ERC2: variants seen among roughly 807,000 people sequenced by gnomAD.
The protein encoded by ERC2 is ELKS/RAB6-interacting/CAST family member 2.
In ERC2, 42 loss-of-function variants were observed where a neutral mutation model predicts 114.8. The observed-to-expected ratio is 0.37, with a 90% confidence interval of 0.29 to 0.47. ERC2 has a LOEUF of 0.47. Among genes scored for constraint, ERC2 ranks in the 20% least tolerant of loss-of-function variants. The pLI is 0.99. For missense variants in ERC2, 939 were observed against 1,150.7 expected (o/e 0.82, Z 2.66); for synonymous variants, 454 against 425.5 (o/e 1.07, Z -0.82).
intron 17 of ERC2, among the ~76,000 whole-genome samples, chr3:55,634,830 C>T (rs1352389083): frequency 6.6e-6 from 1 of 152,028 alleles, no homozygotes; most frequent in Non-Finnish European, 1.5e-5. Flanking sequence ...GAGGGCAACT[C>T]TTCCCTTTCC....
At chr3:56,252,175 A>G (rs1361896089) in intron 3 of ERC2, among the ~76,000 whole-genome samples, 2 of 152,318 alleles carry the variant, frequency 1.3e-5, no homozygotes, top group Middle Eastern at 3.4e-3. Flanking sequence ...TGGACATCCT[A>G]TAACAGTTAA....
At chr3:55,733,542 T>TCACACA (rs58311179) in intron 15 of ERC2, among the ~76,000 whole-genome samples, 3,628 of 107,538 alleles carry the variant, frequency 0.034, 357 homozygotes, top group East Asian at 0.066. Flanking sequence ...TCTCTCTCTC[T>TCACACA]CACACACACA....
intron 12 of ERC2, among the ~76,000 whole-genome samples, chr3:55,962,026 T>C (rs542655117): frequency 6.6e-6 from 1 of 152,188 alleles, no homozygotes; most frequent in Admixed American, 6.5e-5. Context: ...TAGGTGATGA[T>C]GAATACTAGT....
intron 6 of ERC2, among the ~76,000 whole-genome samples, chr3:56,102,683 T>C (rs1043471993): frequency 6.6e-6 from 1 of 152,220 alleles, no homozygotes; most frequent in Non-Finnish European, 1.5e-5. Context: ...AATATTATGC[T>C]CTTCTAAACT....
At chr3:56,212,205 A>C (rs1446384356) in intron 3 of ERC2, among the ~76,000 whole-genome samples, 1 of 152,198 alleles carries the variant, frequency 6.6e-6, no homozygotes, top group African/African-American at 2.4e-5. Flanking sequence ...AAATCTATAC[A>C]TCTGACAAAG....
rs74991807 is a variant in ERC2 at position 55,839,545 on chromosome 3, C to T, written c.2564+48844G>A. 6.9e-3 allele frequency among the ~76,000 whole-genome samples: 1,046 copies of T among 151,468 alleles called. 9 individuals are homozygous for T. The highest frequency in any genetic ancestry group is 0.024 in the African/African-American group (1,002 of 41,386). ...AAAATACAATATATTACAGCAAAAG[C>T]ACAAAAGACAGAAAGAAAAAAATGG... On this transcript the variant is annotated intron_variant, in intron 14 of 17. Coordinates refer to ENST00000288221, the MANE Select transcript of ERC2 (RefSeq NM_015576.3).
chr3:56,040,781 GATATATAT>G, intron 7 of ERC2, among the ~76,000 whole-genome samples: 1 of 45,160 alleles, frequency 2.2e-5, no homozygotes, highest in Non-Finnish European at 5.5e-5. Flanking sequence ...TATATATAGA[GATATATAT>G]AGATATATAT....
In ERC2 at chr3:55,509,750, T is replaced by TA. The variant is rs1315978959; in HGVS notation, c.*1565dup. On this transcript the variant is annotated 3_prime_UTR_variant, in exon 18 of 18. Coordinates refer to ENST00000288221, the MANE Select transcript of ERC2 (RefSeq NM_015576.3). ...TCCAGAGTTAATTGCACCAACATTTTAAAAAGTAATAATAATGACTAAATT... is the reference window on the plus strand; with the variant it reads ...TCCAGAGTTAATTGCACCAACATTTTAAAAAAGTAATAATAATGACTAAATT... 1.3e-5 allele frequency: 2 copies of TA among 152,604 alleles called. No homozygotes were observed. The highest frequency in any genetic ancestry group is 4.8e-5 in the African/African-American group (2 of 41,448). The allele number at this position is 152,604 out of a possible 1,614,324, so 9.5% of individuals were successfully genotyped here.
chr3:55,515,286 C>T (rs1352449578), intron 17 of ERC2, among the ~76,000 whole-genome samples: 1 of 151,766 alleles, frequency 6.6e-6, no homozygotes, highest in South Asian at 2.1e-4. Context: ...CATAAACAAA[C>T]ATTTGCAAGT....
intron 3 of ERC2, among the ~76,000 whole-genome samples, chr3:56,259,428 T>C (rs1172433314): frequency 6.6e-6 from 1 of 152,098 alleles, no homozygotes; most frequent in Non-Finnish European, 1.5e-5. Context: ...CATATAAAAT[T>C]AGGTTGTGTC....
intron 2 of ERC2, among the ~76,000 whole-genome samples, chr3:56,394,611 A>C (rs1219813864): frequency 1.3e-5 from 2 of 152,216 alleles, no homozygotes; most frequent in African/African-American, 4.8e-5. Flanking sequence ...ACCACATAAA[A>C]AGATGTTCAA....
chr3:55,641,818 T>G (rs942113478), intron 17 of ERC2, among the ~76,000 whole-genome samples: 27 of 152,200 alleles, frequency 1.8e-4, no homozygotes, highest in African/African-American at 5.8e-4. Flanking sequence ...GTAAACTGCA[T>G]ACTCAACCAT....
chr3:56,321,743 T>C (rs1278314104), intron 2 of ERC2, among the ~76,000 whole-genome samples: 1 of 152,234 alleles, frequency 6.6e-6, no homozygotes, highest in Non-Finnish European at 1.5e-5. Context: ...TTTTTCCTGT[T>C]TGTAAATCAA....
intron 14 of ERC2, among the ~76,000 whole-genome samples, chr3:55,877,593 C>T (rs2062919571): frequency 1.3e-5 from 2 of 151,066 alleles, no homozygotes; most frequent in Admixed American, 6.6e-5. Context: ...TTCACTGCAG[C>T]CTCAACCTCC....
In ERC2 at chr3:56,181,187, G is replaced by A. The variant is rs193126607; in HGVS notation, c.1075-7667C>T. Among the ~76,000 whole-genome samples the A allele has an allele frequency of 1.8e-3, 279 of 152,274 alleles. 1 individual carries two copies. The highest frequency in any genetic ancestry group is 0.01 in the Middle Eastern group (3 of 294). Reference sequence around the variant, plus strand: ...AATAAACCTCTCAGTACATGGAGGCGTGGAGAATCAAATGTGTTTTAGGTA... The same window carrying A: ...AATAAACCTCTCAGTACATGGAGGCATGGAGAATCAAATGTGTTTTAGGTA... On this transcript the variant is annotated intron_variant, in intron 3 of 17. Transcript: ENST00000288221.
intron 14 of ERC2, among the ~76,000 whole-genome samples, chr3:55,838,780 C>T (rs1357038457): frequency 3.3e-5 from 5 of 151,828 alleles, no homozygotes; most frequent in Non-Finnish European, 7.4e-5. Context: ...ATTAGAAACC[C>T]TCAGACATAA....
chr3:56,440,201 A>G (rs1205173231), intron 1 of ERC2, among the ~76,000 whole-genome samples: 1 of 152,228 alleles, frequency 6.6e-6, no homozygotes, highest in Admixed American at 6.5e-5. Context: ...ACAAGCTAGC[A>G]TAATACCAGT....
intron 17 of ERC2, among the ~76,000 whole-genome samples, chr3:55,587,011 C>T (rs1378873446): frequency 6.6e-6 from 1 of 152,216 alleles, no homozygotes; most frequent in East Asian, 1.9e-4. Context: ...AGGGAACATA[C>T]ATTTAATGCT....
chr3:55,927,440 CT>C (rs2065813145), intron 13 of ERC2, among the ~76,000 whole-genome samples: 1 of 151,916 alleles, frequency 6.6e-6, no homozygotes, highest in Non-Finnish European at 1.5e-5. Flanking sequence ...GGTGTTTGTA[CT>C]TTTTACATTT....
Sources: gnomAD v4.1 joint callset for allele counts (sites outside exome capture counted in the v4.1 genomes callset) on GRCh38, gnomAD v4.1.1 for gene constraint, MANE v1.5 for transcripts, NCBI Gene and HGNC (gene_info 2026-07-23, HGNC 2026-07-21) for gene names.